The following ZNF536 variants were observed in gnomAD, a reference collection of about 807,000 sequenced individuals.
ZNF536 encodes zinc finger protein 536.
ZNF536 carries 13 observed loss-of-function variants against 84.5 expected under a neutral mutation model. The observed-to-expected ratio is 0.15, with a 90% CI of 0.10 to 0.24. The LOEUF is 0.24. ZNF536 is among the 10% of genes least tolerant of loss of function. The pLI is 1.00. For missense variants in ZNF536, 1,536 were observed against 1,747.5 expected (o/e 0.88, Z 2.16); for synonymous variants, 811 against 742.5 (o/e 1.09, Z -1.50).
At chr19:30,303,898 G>A (rs1327716554) in intron 2 of ZNF536, among the ~76,000 whole-genome samples, 1 of 152,180 alleles carries the variant, frequency 6.6e-6, no homozygotes, top group East Asian at 1.9e-4. Flanking sequence ...GACTCTGCCT[G>A]GGTGTGTCCT....
intron 2 of ZNF536, among the ~76,000 whole-genome samples, chr19:30,339,091 C>T (rs542933321): frequency 1.3e-5 from 2 of 152,152 alleles, no homozygotes; most frequent in Non-Finnish European, 2.9e-5. Flanking sequence ...GTGGTGCTTA[C>T]GGGAGAGCTG....
intron 2 of ZNF536, among the ~76,000 whole-genome samples, chr19:30,311,159 CTG>C (rs2046490824): frequency 1.3e-5 from 2 of 152,140 alleles, no homozygotes; most frequent in Admixed American, 1.3e-4. Context: ...AGGGGCCTCT[CTG>C]TGCTTCCTGG....
chr19:30,319,936 G>A (rs1338697487), intron 2 of ZNF536, among the ~76,000 whole-genome samples: 26 of 152,298 alleles, frequency 1.7e-4, no homozygotes, highest in Non-Finnish European at 1.5e-5. Flanking sequence ...GGAAAAAAAT[G>A]GAGATAGCTT....
At chr19:30,271,808 G>A (rs541477679) in intron 1 of ZNF536, among the ~76,000 whole-genome samples, 180 of 152,310 alleles carry the variant, frequency 1.2e-3, no homozygotes, top group Middle Eastern at 0.01. Flanking sequence ...ATGTGTCCTA[G>A]GAGACAGACC....
At chr19:30,565,431 G>T (rs1167805893) in intron 1 of ZNF536, among the ~76,000 whole-genome samples, 1 of 152,148 alleles carries the variant, frequency 6.6e-6, no homozygotes, top group Non-Finnish European at 1.5e-5. Flanking sequence ...AAGCCCGCAG[G>T]TCTGCCAGGC....
chr19:30,411,386 ATAGT>A (rs1193048401), intron 1 of ZNF536, among the ~76,000 whole-genome samples: 2 of 152,210 alleles, frequency 1.3e-5, no homozygotes, highest in Non-Finnish European at 2.9e-5. Context: ...CCTTTGGAAT[ATAGT>A]TAAAGATACA....
chr19:30,234,905 C>G (rs1384469084), intron 1 of ZNF536, among the ~76,000 whole-genome samples: 1 of 152,162 alleles, frequency 6.6e-6, no homozygotes, highest in Non-Finnish European at 1.5e-5. Context: ...TTCTGAGATT[C>G]CCTCATAATT....
intron 2 of ZNF536, among the ~76,000 whole-genome samples, chr19:30,328,139 A>G (rs974328893): frequency 6.6e-6 from 1 of 152,208 alleles, no homozygotes; most frequent in African/African-American, 2.4e-5. Context: ...TTATCAATGA[A>G]CATGTGAACA....
chr19:30,444,612 C>T lies in ZNF536; in HGVS notation c.1050C>T (p.Cys350=), dbSNP rs1184245042. 1.2e-6 allele frequency: 2 copies of T among 1,613,910 alleles called. No individual in the cohort carries two copies. Among genetic ancestry groups the T allele is most frequent in the Non-Finnish European group, 1.7e-6 (2 of 1,180,054 alleles). ...QSANEFRCEV[C]GQVFSQAWFL... Reference sequence around the variant, plus strand: ...CCAACGAGTTCCGCTGCGAGGTGTGCGGTCAGGTGTTCAGCCAGGCGTGGT... The same window carrying T: ...CCAACGAGTTCCGCTGCGAGGTGTGTGGTCAGGTGTTCAGCCAGGCGTGGT... Residue 350 remains cysteine (C), a synonymous_variant, in exon 2 of 5, where the codon TGC becomes TGT. Coordinates refer to ENST00000355537, the MANE Select transcript of ZNF536 (RefSeq NM_014717.3).
chr19:30,243,374 T>C (rs976033583), intron 1 of ZNF536, among the ~76,000 whole-genome samples: 1 of 152,188 alleles, frequency 6.6e-6, no homozygotes, highest in Non-Finnish European at 1.5e-5. Context: ...TAGATAGAGG[T>C]CTAAATTTTG....
intron 1 of ZNF536, among the ~76,000 whole-genome samples, chr19:30,408,691 T>C (rs2050362152): frequency 6.6e-6 from 1 of 152,190 alleles, no homozygotes. Context: ...TAATTAGTTA[T>C]TCATCCATCC....
intron 2 of ZNF536, among the ~76,000 whole-genome samples, chr19:30,450,061 G>A (rs1436503948): frequency 1.4e-5 from 2 of 146,470 alleles, no homozygotes; most frequent in African/African-American, 5.0e-5. Flanking sequence ...TTGAGTTTGA[G>A]GATTAAGATC....
At chr19:30,396,592 C>CTTTTTTTT (rs386388859) in intron 1 of ZNF536, among the ~76,000 whole-genome samples, 18 of 112,400 alleles carry the variant, frequency 1.6e-4, no homozygotes, top group South Asian at 3.1e-4. Context: ...AGGGCTCTCT[C>CTTTTTTTT]TTTTTTTTTT....
rs750688785 is a variant in ZNF536 at position 30,534,828 on chromosome 19, C to T, written c.2171-19C>T. 31 of 1,600,180 alleles carry T rather than the reference C, an allele frequency of 1.9e-5. No homozygotes were observed. The highest frequency in any genetic ancestry group is 8.5e-5 in the Admixed American group (5 of 58,700). ...GACATGTGCTGAAGTGATGTGAGAA[C>T]GTTTCTCCTTCGCTGCAGACATTGG... is the stretch of plus-strand genomic sequence containing the variant. On this transcript the variant is annotated intron_variant, in intron 2 of 4. Coordinates refer to ENST00000355537, the MANE Select transcript of ZNF536 (RefSeq NM_014717.3).
intron 1 of ZNF536, among the ~76,000 whole-genome samples, chr19:30,443,303 G>A (rs1202582276): frequency 6.6e-6 from 1 of 152,108 alleles, no homozygotes; most frequent in Non-Finnish European, 1.5e-5. Flanking sequence ...ATAATTTAAA[G>A]GTGAATGAAT....
chr19:30,451,863 A>T (rs1325606057), intron 2 of ZNF536, among the ~76,000 whole-genome samples: 1 of 152,228 alleles, frequency 6.6e-6, no homozygotes, highest in Non-Finnish European at 1.5e-5. Context: ...GGAACAGTTC[A>T]TTTAAACCTA....
At chr19:30,492,540 T>C (rs1033554371) in intron 2 of ZNF536, among the ~76,000 whole-genome samples, 2 of 152,252 alleles carry the variant, frequency 1.3e-5, no homozygotes, top group Admixed American at 6.5e-5. Flanking sequence ...TAGTATTTAT[T>C]ATTATTATAA....
At chr19:30,343,557 C>T (rs1422231732) in intron 2 of ZNF536, among the ~76,000 whole-genome samples, 2 of 152,092 alleles carry the variant, frequency 1.3e-5, no homozygotes, top group African/African-American at 4.8e-5. Flanking sequence ...AGAGGTGTTC[C>T]AGGGCTACTA....
chr19:30,534,145 C>T (rs2044973658), intron 2 of ZNF536, among the ~76,000 whole-genome samples: 1 of 152,202 alleles, frequency 6.6e-6, no homozygotes, highest in African/African-American at 2.4e-5. Context: ...TCTCAAGTCA[C>T]TGCAAAAAGA....
Sources: gnomAD v4.1 joint callset for allele counts (sites outside exome capture counted in the v4.1 genomes callset) on GRCh38, gnomAD v4.1.1 for gene constraint, MANE v1.5 for transcripts, NCBI Gene and HGNC (gene_info 2026-07-23, HGNC 2026-07-21) for gene names.